The following MGST3 variants were observed in gnomAD, a reference collection of about 807,000 sequenced individuals.
MGST3 encodes the protein glutathione S-transferase 3, mitochondrial.
A neutral mutation model predicts 15.8 loss-of-function variants in MGST3; 13 were observed. The observed-to-expected ratio is 0.82, with a 90% confidence interval of 0.54 to 1.31. MGST3 has a LOEUF of 1.31. Ranked by LOEUF, MGST3 falls within the 50% of genes most tolerant of loss-of-function variation. The probability of loss-of-function intolerance (pLI) is 0.00; values close to 1 mark genes in which losing one functional copy is unlikely to be tolerated. For missense variants in MGST3, 155 were observed against 192.4 expected (o/e 0.81, Z 1.15); for synonymous variants, 49 against 68.1 (o/e 0.72, Z 1.38).
rs182514207 is a variant in MGST3 at position 165,645,617 on chromosome 1, A to G, written c.-7-4224A>G. 177 of 152,302 alleles carry G rather than the reference A, an allele frequency of 1.2e-3. 2 individuals carry two copies. The highest frequency in any genetic ancestry group is 4.1e-3 in the African/African-American group (170 of 41,562). 9.4% of individuals were successfully genotyped at this position (152,302 alleles called of 1,614,324 possible). On this transcript the variant is annotated intron_variant, in intron 1 of 5. Coordinates refer to ENST00000367889, the MANE Select transcript of MGST3 (RefSeq NM_004528.4). Reference sequence around the variant, plus strand: ...ATTATACATGCTATACTTTTATATGACTGGCAGCGCAGTAGGTTTGTTTAC... The same window carrying G: ...ATTATACATGCTATACTTTTATATGGCTGGCAGCGCAGTAGGTTTGTTTAC...
intron 1 of MGST3, among the ~76,000 whole-genome samples, chr1:165,644,350 A>G (rs763906042): frequency 7.2e-5 from 11 of 152,214 alleles, no homozygotes; most frequent in Admixed American, 4.6e-4. Context: ...ACTGAATACC[A>G]TAGGCAATTG....
At chr1:165,634,473 A>G (rs2101712762) in intron 1 of MGST3, among the ~76,000 whole-genome samples, 1 of 152,262 alleles carries the variant, frequency 6.6e-6, no homozygotes, top group Non-Finnish European at 1.5e-5. Flanking sequence ...AGTAATAATA[A>G]TTGATTTCTC....
At chr1:165,644,037 AAC>A (rs1354037633) in intron 1 of MGST3, among the ~76,000 whole-genome samples, 1 of 149,762 alleles carries the variant, frequency 6.7e-6, no homozygotes, top group Non-Finnish European at 1.5e-5. Flanking sequence ...CAGCCTTGGC[AAC>A]AGAGACCCTG....
intron 1 of MGST3, among the ~76,000 whole-genome samples, chr1:165,635,385 G>T (rs544531198): frequency 2.0e-5 from 3 of 152,372 alleles, no homozygotes; most frequent in East Asian, 3.9e-4. Flanking sequence ...TCAGGCATGT[G>T]TGTTTAGTGC....
chr1:165,632,044 GGA>G (rs1647966426), intron 1 of MGST3: 6 of 563,092 alleles, frequency 1.1e-5, no homozygotes, highest in Non-Finnish European at 1.9e-5. Context: ...GGAAGGCGCT[GGA>G]GACTCCTTAG....
intron 5 of MGST3, among the ~76,000 whole-genome samples, chr1:165,654,639 C>T (rs1648659808): frequency 6.6e-6 from 1 of 151,936 alleles, no homozygotes; most frequent in South Asian, 2.1e-4. Context: ...TGCTGTGAAC[C>T]ATGATTACAC....
At chr1:165,650,918 G>A in intron 2 of MGST3, 96 bp from the exon 3 acceptor site, 1 of 1,046,046 alleles carries the variant, frequency 9.6e-7, no homozygotes. Flanking sequence ...TGTGAAAGAA[G>A]ATACTTTGGA....
intron 1 of MGST3, chr1:165,647,814 C>T (rs929890114): frequency 6.6e-6 from 1 of 151,944 alleles, no homozygotes. Context: ...CCTCAGCCTC[C>T]TGGGCTCAGG....
At chr1:165,632,317 C>A (rs780938517) in intron 1 of MGST3, 8 of 1,607,670 alleles carry the variant, frequency 5.0e-6, no homozygotes, top group Non-Finnish European at 6.8e-6. Context: ...GGAATTGCTG[C>A]AGATTTTAGA....
At position 165,651,073 on chromosome 1, in the gene MGST3, A is replaced by G; in HGVS notation, c.177A>G (p.Arg59=). ...GGCACATCTTCAACTGCATTCAGCG[A>G]GCCCACCAGAACACGTGAGTGTCGG... ...ENGHIFNCIQ[R]AHQNTLEVYP... Residue 59 remains arginine, a synonymous_variant, in exon 3 of 6, where the codon CGA becomes CGG. Transcript: ENST00000367889. 6.2e-7 allele frequency: 1 copy of G among 1,614,230 alleles called. No homozygotes were observed. Among genetic ancestry groups the G allele is most frequent in the Non-Finnish European group, 8.5e-7 (1 of 1,180,030 alleles).
chr1:165,646,239 A>G (rs751075485), intron 1 of MGST3: 1 of 152,206 alleles, frequency 6.6e-6, no homozygotes, highest in Non-Finnish European at 1.5e-5. Flanking sequence ...GCCACTGTGA[A>G]CTGAGCTGCA....
At chr1:165,654,242 C>A (rs1034707332) in intron 4 of MGST3, 37 bp from the exon 5 acceptor site, 3 of 1,597,718 alleles carry the variant, frequency 1.9e-6, no homozygotes, top group East Asian at 4.5e-5. Flanking sequence ...TTGCTTGTTT[C>A]TTTCATGCAA....
At chr1:165,633,549 A>G (rs1291748159) in intron 1 of MGST3, among the ~76,000 whole-genome samples, 1 of 152,122 alleles carries the variant, frequency 6.6e-6, no homozygotes, top group Non-Finnish European at 1.5e-5. Context: ...TGAGCAAGCA[A>G]TGGGAGCGGT....
In MGST3 at chr1:165,654,346, C is replaced by T. The variant is rs538652119; in HGVS notation, c.317C>T (p.Thr106Met). ...GTTCTTTATGCTTATGGCTATTACACGGGAGGTTAGTATATATTGACATTT... is the reference window on the plus strand; with the variant it reads ...GTTCTTTATGCTTATGGCTATTACATGGGAGGTTAGTATATATTGACATTT... Reference protein sequence around the residue: ...GRVLYAYGYYTGEPSKRSRGA... With the variant: ...GRVLYAYGYYMGEPSKRSRGA... The change falls in exon 5 of 6, where the codon ACG becomes ATG. Residue 106 changes from threonine to methionine, a missense_variant. Physicochemically the swap from Thr to Met is moderately conservative, Grantham distance 81 (BLOSUM62 -1). Coordinates refer to ENST00000367889, the MANE Select transcript of MGST3 (RefSeq NM_004528.4). The T allele has an allele frequency of 1.2e-5, 20 of 1,613,632 alleles. No individual in the cohort carries two copies. Among genetic ancestry groups the T allele is most frequent in the African/African-American group, 2.7e-5 (2 of 75,008 alleles).
Position 165,655,349 on chromosome 1 carries a change from GTTCT to G in MGST3, c.323-13_323-10del, listed in dbSNP as rs1221252853. On this transcript the variant is annotated splice_polypyrimidine_tract_variant and intron_variant, in intron 5 of 5. Transcript: ENST00000367889. The stretch of plus-strand genomic sequence containing the variant: ...TTCTGGAGCACTCCTGGTAACTTCT[GTTCT>G]TTCTTCTTTTTCAGAACCCAGCAAG... 3 of 1,613,658 alleles carry G rather than the reference GTTCT, an allele frequency of 1.9e-6. No individual in the cohort carries two copies. Among genetic ancestry groups the G allele is most frequent in the Non-Finnish European group, 2.5e-6 (3 of 1,179,832 alleles).
intron 2 of MGST3, 124 bp from the exon 3 acceptor site, chr1:165,650,886 TTGAA>T: frequency 2.5e-6 from 2 of 788,010 alleles, no homozygotes; most frequent in South Asian, 1.4e-5. Flanking sequence ...TAAGCAGAAA[TTGAA>T]TGGTCATCTA....
rs9333369 is a variant in MGST3, at chr1:165,631,247, C to T, written c.-54C>T. On this transcript the variant is annotated 5_prime_UTR_variant, in exon 1 of 6. Transcript: ENST00000367889. ...CCAGGCGAGGGCGCCGCACCCACAC[C>T]GCGCTGCGCAGTTTTGTTCTGCTCC... 1.3e-5 allele frequency: 2 copies of T among 152,686 alleles called. No individual in the cohort carries two copies. Among genetic ancestry groups the T allele is most frequent in the African/African-American group, 4.8e-5 (2 of 41,434 alleles). The allele number at this position is 152,686 out of a possible 1,614,324, so 9.5% of individuals were successfully genotyped here.
At chr1:165,637,240 G>A (rs1648137271) in intron 1 of MGST3, 1 of 152,188 alleles carries the variant, frequency 6.6e-6, no homozygotes, top group African/African-American at 2.4e-5. Flanking sequence ...ACAATTTGAG[G>A]AGAGCAATAT....
intron 4 of MGST3, 83 bp downstream of exon 4, chr1:165,652,118 T>A: frequency 1.0e-6 from 1 of 982,948 alleles, no homozygotes; most frequent in Non-Finnish European, 1.7e-6. Flanking sequence ...AATAAACATT[T>A]AATGAATATC....
Sources: gnomAD v4.1 joint callset for allele counts (sites outside exome capture counted in the v4.1 genomes callset) on GRCh38, gnomAD v4.1.1 for gene constraint, MANE v1.5 for transcripts, NCBI Gene and HGNC (gene_info 2026-07-23, HGNC 2026-07-21) for gene names.